Variants in PXDNL observed in about 807,000 individuals in gnomAD.
The protein encoded by PXDNL is probable oxidoreductase PXDNL.
In PXDNL, 145 loss-of-function variants were observed where a neutral mutation model predicts 150.8. That is an observed-to-expected ratio of 0.96 (90% CI 0.84 to 1.10). The LOEUF is 1.10. PXDNL is among the 50% of genes least tolerant of loss of function. PXDNL has a pLI of 0.00. For synonymous variants in PXDNL, 757 were observed against 725.7 expected (o/e 1.04, Z -0.69); for missense variants, 2,087 against 1,873.9 (o/e 1.11, Z -2.10).
At chr8:51,402,963 G>A (rs1366205639) in intron 17 of PXDNL, among the ~76,000 whole-genome samples, 4 of 150,638 alleles carry the variant, frequency 2.7e-5, no homozygotes, top group East Asian at 4.0e-4. Flanking sequence ...GGTGGCCGGC[G>A]CCTATAGTCC....
chr8:51,777,255 G>A (rs1379530793), intron 1 of PXDNL, among the ~76,000 whole-genome samples: 1 of 152,132 alleles, frequency 6.6e-6, no homozygotes, highest in Non-Finnish European at 1.5e-5. Context: ...ATGCCTCTAA[G>A]CCTGCTTCCA....
In PXDNL at chr8:51,426,731, T is replaced by C; in HGVS notation, c.1553A>G (p.Gln518Arg). ...KALAVFTQLP[Q>R]DTSVEVGKNI... ...CTTTCCAACCTCGACACTTGTATCC[T>C]GAGGAAGTTGAGTAAACACTGCAAG... Residue 518 changes from glutamine to arginine, a missense_variant, in exon 13 of 23, where the codon CAG becomes CGG. Gln to Arg is a conservative substitution (Grantham distance 43, BLOSUM62 1). Transcript: ENST00000356297. The C allele has an allele frequency of 6.2e-7, 1 of 1,600,644 alleles. No individual in the cohort carries two copies. The highest frequency in any genetic ancestry group is 8.5e-7 in the Non-Finnish European group (1 of 1,171,978).
intron 17 of PXDNL, among the ~76,000 whole-genome samples, chr8:51,386,921 A>G (rs1807735239): frequency 1.3e-5 from 2 of 152,134 alleles, no homozygotes; most frequent in Middle Eastern, 3.4e-3. Context: ...CACTTGATTT[A>G]TAAATTTCAT....
At chr8:51,638,939 A>G (rs1463176277) in intron 2 of PXDNL, among the ~76,000 whole-genome samples, 4 of 152,220 alleles carry the variant, frequency 2.6e-5, no homozygotes, top group Admixed American at 2.6e-4. Context: ...AAAATTGAAC[A>G]CATAGTTGGA....
At chr8:51,377,421 T>G (rs1807359273) in intron 17 of PXDNL, among the ~76,000 whole-genome samples, 1 of 152,290 alleles carries the variant, frequency 6.6e-6, no homozygotes, top group African/African-American at 2.4e-5. Context: ...CTGGCCGTGC[T>G]TGAGGGGCCT....
At chr8:51,330,999 C>G (rs898290556) in intron 21 of PXDNL, among the ~76,000 whole-genome samples, 7 of 152,158 alleles carry the variant, frequency 4.6e-5, no homozygotes, top group African/African-American at 1.4e-4. Flanking sequence ...GATTGCAGAT[C>G]CGGATACTGC....
chr8:51,362,734 G>A (rs1448732695), intron 19 of PXDNL, among the ~76,000 whole-genome samples: 1 of 152,188 alleles, frequency 6.6e-6, no homozygotes, highest in African/African-American at 2.4e-5. Context: ...GGGCAATGAA[G>A]CATGTGATTG....
chr8:51,338,095 C>T (rs965507174), intron 21 of PXDNL, among the ~76,000 whole-genome samples: 1 of 147,060 alleles, frequency 6.8e-6, no homozygotes, highest in Non-Finnish European at 1.5e-5. Context: ...AGGAGAATTA[C>T]TTGAGCCCGG....
intron 4 of PXDNL, among the ~76,000 whole-genome samples, chr8:51,556,184 A>G (rs544071607): frequency 6.6e-6 from 1 of 152,228 alleles, no homozygotes; most frequent in Non-Finnish European, 1.5e-5. Context: ...AGGCACAAGA[A>G]TCACTTGAAC....
At chr8:51,346,626 A>G (rs1806167655) in intron 19 of PXDNL, among the ~76,000 whole-genome samples, 1 of 152,062 alleles carries the variant, frequency 6.6e-6, no homozygotes, top group Non-Finnish European at 1.5e-5. Flanking sequence ...TGGATGTGGG[A>G]GCGGCTCCCT....
chr8:51,505,433 G>A (rs1044357265), intron 4 of PXDNL, among the ~76,000 whole-genome samples: 1 of 152,166 alleles, frequency 6.6e-6, no homozygotes, highest in African/African-American at 2.4e-5. Context: ...CCCGATCTAA[G>A]GCAAGAGCAG....
chr8:51,621,448 C>G (rs867520236), intron 2 of PXDNL, among the ~76,000 whole-genome samples: 16 of 142,238 alleles, frequency 1.1e-4, no homozygotes, highest in South Asian at 4.7e-4. Context: ...GTGTGTGTGT[C>G]TGTGTGTGTG....
intron 19 of PXDNL, among the ~76,000 whole-genome samples, chr8:51,356,413 C>T (rs1041565768): frequency 6.6e-6 from 1 of 151,112 alleles, no homozygotes; most frequent in African/African-American, 2.4e-5. Context: ...CACTTGAACC[C>T]GGGAGGTGGA....
At chr8:51,617,734 A>T (rs1189750001) in intron 2 of PXDNL, among the ~76,000 whole-genome samples, 1 of 152,240 alleles carries the variant, frequency 6.6e-6, no homozygotes, top group Non-Finnish European at 1.5e-5. Flanking sequence ...ATTTTGCATT[A>T]AAAAAGTGAA....
chr8:51,363,655 G>A (rs544470972), intron 19 of PXDNL, among the ~76,000 whole-genome samples: 19 of 152,160 alleles, frequency 1.2e-4, no homozygotes, highest in Non-Finnish European at 2.5e-4. Context: ...GGCCCAGGGC[G>A]TGGTGCTGCG....
rs1159353248 is a variant in PXDNL at position 51,409,323 on chromosome 8, G to T, written c.2301C>A (p.Leu767=). The T allele has an allele frequency of 2.1e-6, 3 of 1,432,236 alleles. No individual in the cohort carries two copies. The highest frequency in any genetic ancestry group is 3.2e-5 in the Admixed American group (1 of 30,966). 88.7% of individuals were successfully genotyped at this position (1,432,236 alleles called of 1,614,324 possible). The part of the protein sequence containing the change: ...YRDGIRAPRG[L]GLPVGSRQPL... ...GCTGGCGGGAGCCCACAGGAAGGCCGAGCCCGCGGGGCGCGCGGATGCCGT... is the reference window on the plus strand; with the variant it reads ...GCTGGCGGGAGCCCACAGGAAGGCCTAGCCCGCGGGGCGCGCGGATGCCGT... The change falls in exon 17 of 23, where the codon CTC becomes CTA. Residue 767 remains leucine (L), a synonymous_variant. Coordinates refer to ENST00000356297, the MANE Select transcript of PXDNL (RefSeq NM_144651.5).
At chr8:51,736,363 G>A (rs542068385) in intron 1 of PXDNL, among the ~76,000 whole-genome samples, 1 of 152,274 alleles carries the variant, frequency 6.6e-6, no homozygotes, top group Admixed American at 6.5e-5. Flanking sequence ...TGTGACAGCA[G>A]ACATATCTCA....
chr8:51,576,252 C>T (rs2130608244), intron 3 of PXDNL, among the ~76,000 whole-genome samples: 1 of 149,626 alleles, frequency 6.7e-6, no homozygotes, highest in South Asian at 2.1e-4. Context: ...TTTTGAGTTC[C>T]CTGAGAATAC....
chr8:51,471,177 A>G (rs568718765), intron 8 of PXDNL, among the ~76,000 whole-genome samples: 30 of 151,732 alleles, frequency 2.0e-4, no homozygotes, highest in Middle Eastern at 3.4e-3. Flanking sequence ...TGAGCAAAGG[A>G]TATGAACAGA....
Sources: gnomAD v4.1 joint callset for allele counts (sites outside exome capture counted in the v4.1 genomes callset) on GRCh38, gnomAD v4.1.1 for gene constraint, MANE v1.5 for transcripts, NCBI Gene and HGNC (gene_info 2026-07-23, HGNC 2026-07-21) for gene names.